The following DLG2 variants were observed in gnomAD, a reference collection of about 807,000 sequenced individuals.
DLG2 encodes disks large homolog 2.
Under a neutral mutation model 132.5 loss-of-function variants are expected in DLG2, and 45 were observed. That is an observed-to-expected ratio of 0.34 (90% CI 0.27 to 0.44). The LOEUF (loss-of-function observed/expected upper bound fraction) is 0.44. Among genes scored for constraint, DLG2 ranks in the 20% least tolerant of loss-of-function variants. The pLI, the probability that DLG2 is intolerant of heterozygous loss-of-function variation, is 1.00. For synonymous variants in DLG2, 424 were observed against 419.6 expected, an observed-to-expected ratio of 1.01 and a Z score of -0.13; for missense variants, 1,045 against 1,196.9, an observed-to-expected ratio of 0.87 and a Z score of 1.87.
chr11:84,942,934 T>C (rs1349741011), intron 6 of DLG2, among the ~76,000 whole-genome samples: 2 of 152,192 alleles, frequency 1.3e-5, no homozygotes, highest in Non-Finnish European at 2.9e-5. Context: ...ACAATTACTA[T>C]ATCCTCTTGC....
chr11:84,358,450 T>G (rs551105245), intron 7 of DLG2, among the ~76,000 whole-genome samples: 102 of 151,858 alleles, frequency 6.7e-4, no homozygotes, highest in African/African-American at 2.4e-3. Flanking sequence ...GCCTTCATTT[T>G]CTTTTTTTGT....
intron 3 of DLG2, among the ~76,000 whole-genome samples, chr11:85,418,815 C>T (rs1191310101): frequency 6.6e-6 from 1 of 152,128 alleles, no homozygotes; most frequent in African/African-American, 2.4e-5. Flanking sequence ...TATTTTGAGC[C>T]TGTGTGTGTC....
At chr11:84,188,603 T>C (rs77247093) in intron 8 of DLG2, among the ~76,000 whole-genome samples, 2,938 of 152,228 alleles carry the variant, frequency 0.019, 112 homozygotes, top group African/African-American at 0.067. Flanking sequence ...TTCTTCCCAC[T>C]GAGCTAATAT....
intron 10 of DLG2, among the ~76,000 whole-genome samples, chr11:84,075,434 A>G (rs2096816408): frequency 6.6e-6 from 1 of 152,188 alleles, no homozygotes; most frequent in African/African-American, 2.4e-5. Context: ...GAGTTGAATA[A>G]AAAATGAATT....
At chr11:85,471,091 A>G (rs2092969868) in intron 3 of DLG2, among the ~76,000 whole-genome samples, 1 of 152,210 alleles carries the variant, frequency 6.6e-6, no homozygotes, top group African/African-American at 2.4e-5. Flanking sequence ...AAACTATCCT[A>G]TATAAACTGC....
chr11:84,158,218 G>A lies in DLG2; in HGVS notation c.624+5243C>T, dbSNP rs553319921. On this transcript the variant is annotated intron_variant, in intron 9 of 27. Coordinates refer to ENST00000376104, the MANE Select transcript of DLG2 (RefSeq NM_001142699.3). The stretch of plus-strand genomic sequence containing the variant: ...AGCTGGGACTACAGGTGCCTGCCAC[G>A]ACGTCCAGCTAAATTTTTGTATTTT... Among the ~76,000 whole-genome samples, 220 of 151,870 alleles carry A rather than the reference G, an allele frequency of 1.4e-3. 1 individual carries two copies. Among genetic ancestry groups the A allele is most frequent in the African/African-American group, 5.1e-3 (210 of 41,430 alleles).
At chr11:83,962,016 C>T (rs2514152) in intron 14 of DLG2, among the ~76,000 whole-genome samples, 1 of 151,824 alleles carries the variant, frequency 6.6e-6, no homozygotes, top group South Asian at 2.1e-4. Flanking sequence ...ATCAAAGCAT[C>T]CACATATACC....
intron 6 of DLG2, among the ~76,000 whole-genome samples, chr11:84,802,230 T>C (rs1334092952): frequency 6.6e-6 from 1 of 151,720 alleles, no homozygotes; most frequent in African/African-American, 2.4e-5. Flanking sequence ...GTCCATAGGG[T>C]CCTCAAAGAA....
intron 6 of DLG2, among the ~76,000 whole-genome samples, chr11:84,657,230 G>A (rs910063326): frequency 1.3e-5 from 2 of 152,074 alleles, no homozygotes; most frequent in Admixed American, 6.6e-5. Flanking sequence ...TGGCCAAAAA[G>A]TTCACAACAG....
intron 19 of DLG2, among the ~76,000 whole-genome samples, chr11:83,618,511 G>A (rs1007826257): frequency 1.3e-5 from 2 of 152,138 alleles, no homozygotes; most frequent in African/African-American, 2.4e-5. Flanking sequence ...AACTTTAAAT[G>A]AGTATTTCTA....
intron 6 of DLG2, among the ~76,000 whole-genome samples, chr11:84,595,895 A>G (rs1353298976): frequency 6.6e-6 from 1 of 152,164 alleles, no homozygotes; most frequent in East Asian, 1.9e-4. Flanking sequence ...AAATAATTGG[A>G]GTTTTAGAAG....
At chr11:84,505,486 G>A (rs2099236507) in intron 7 of DLG2, among the ~76,000 whole-genome samples, 1 of 152,092 alleles carries the variant, frequency 6.6e-6, no homozygotes, top group African/African-American at 2.4e-5. Flanking sequence ...TTGAATGAGA[G>A]ACACTTAATT....
chr11:85,147,426 C>G (rs1408221926), intron 5 of DLG2, among the ~76,000 whole-genome samples: 1 of 152,130 alleles, frequency 6.6e-6, no homozygotes, highest in East Asian at 1.9e-4. Context: ...ACCTGTTGGA[C>G]ATTTCTGTCT....
Position 85,470,115 on chromosome 11 carries a change from T to C in DLG2, c.40+128542A>G, listed in dbSNP as rs374861672. Among the ~76,000 whole-genome samples, 14 of 150,860 alleles carry C rather than the reference T, an allele frequency of 9.3e-5. No individual in the cohort carries two copies. In the East Asian group the frequency reaches 1.8e-3, roughly 19 times the overall value. ...TTTTGCATTTGCTGTTCCTTCTGCC[T>C]AGAATATTTTCTCCCTAGATACCAA... On this transcript the variant is annotated intron_variant, in intron 3 of 27. Coordinates refer to ENST00000376104, the MANE Select transcript of DLG2 (RefSeq NM_001142699.3).
chr11:85,496,763 AC>A (rs1177135597), intron 3 of DLG2, among the ~76,000 whole-genome samples: 2 of 152,152 alleles, frequency 1.3e-5, no homozygotes, highest in Non-Finnish European at 2.9e-5. Context: ...TGCAACCTCC[AC>A]CAGTGATACC....
intron 9 of DLG2, among the ~76,000 whole-genome samples, chr11:84,162,462 A>G (rs576680073): frequency 1.5e-4 from 23 of 152,050 alleles, no homozygotes; most frequent in Non-Finnish European, 2.9e-4. Flanking sequence ...ATTTCAGTAT[A>G]TTTTAATATA....
At chr11:83,808,236 T>C (rs1356453753) in intron 17 of DLG2, among the ~76,000 whole-genome samples, 4 of 152,176 alleles carry the variant, frequency 2.6e-5, no homozygotes, top group Non-Finnish European at 5.9e-5. Flanking sequence ...CTCTGCCACT[T>C]TGGGTATTAG....
At chr11:85,177,351 C>T (rs1367140610) in intron 4 of DLG2, among the ~76,000 whole-genome samples, 1 of 150,294 alleles carries the variant, frequency 6.7e-6, no homozygotes, top group Admixed American at 6.6e-5. Flanking sequence ...TAAAAAGAAA[C>T]AAGATCATGT....
intron 6 of DLG2, among the ~76,000 whole-genome samples, chr11:84,656,250 A>C (rs2099688091): frequency 6.6e-6 from 1 of 152,148 alleles, no homozygotes; most frequent in Admixed American, 6.6e-5. Flanking sequence ...GTGTATAACC[A>C]GTCCAATCTT....
Sources: gnomAD v4.1 joint callset for allele counts (sites outside exome capture counted in the v4.1 genomes callset) on GRCh38, gnomAD v4.1.1 for gene constraint, MANE v1.5 for transcripts, NCBI Gene and HGNC (gene_info 2026-07-23, HGNC 2026-07-21) for gene names.